SUGCT: variants seen among roughly 807,000 people sequenced by gnomAD.
The protein encoded by SUGCT is succinyl-CoA:glutarate-CoA transferase.
A neutral mutation model predicts 55.0 loss-of-function variants in SUGCT; 41 were observed. That is an observed-to-expected ratio of 0.74 (90% CI 0.58 to 0.97). The LOEUF is 0.97. Ranked by LOEUF, SUGCT falls within the 50% of genes least tolerant of loss-of-function variation. The pLI is 0.00. For missense variants in SUGCT, 568 were observed against 547.8 expected (o/e 1.04, Z -0.37); for synonymous variants, 187 against 200.4 (o/e 0.93, Z 0.56).
At chr7:40,168,346 C>A (rs899862102) in intron 1 of SUGCT, among the ~76,000 whole-genome samples, 2 of 152,142 alleles carry the variant, frequency 1.3e-5, no homozygotes, top group South Asian at 2.1e-4. Flanking sequence ...AGGAGGGGTG[C>A]CTTCGGTGTC....
intron 12 of SUGCT, among the ~76,000 whole-genome samples, chr7:40,705,645 T>G (rs1584306826): frequency 6.6e-6 from 1 of 152,176 alleles, no homozygotes; most frequent in South Asian, 2.1e-4. Context: ...ATCCTAAAAT[T>G]TGGGTCATGC....
At chr7:40,240,352 G>A (rs1321111347) in intron 7 of SUGCT, among the ~76,000 whole-genome samples, 1 of 152,050 alleles carries the variant, frequency 6.6e-6, no homozygotes, top group Non-Finnish European at 1.5e-5. Flanking sequence ...ATGTGGTGTT[G>A]CATTCCTGTA....
At chr7:40,402,033 C>T (rs185338882) in intron 9 of SUGCT, among the ~76,000 whole-genome samples, 7 of 152,190 alleles carry the variant, frequency 4.6e-5, no homozygotes, top group East Asian at 1.9e-4. Flanking sequence ...TTATTAAACA[C>T]GCATAACAAT....
chr7:40,986,487 A>C, the SUGCT span, among the ~76,000 whole-genome samples: 1 of 152,222 alleles, frequency 6.6e-6, no homozygotes, highest in South Asian at 2.1e-4. Flanking sequence ...GCCACTGACT[A>C]TAACCCTTAA....
At position 40,590,011 on chromosome 7, in the gene SUGCT, TC is replaced by T. The variant is rs145909965; in HGVS notation, c.1089+93626del. On this transcript the variant is annotated intron_variant, in intron 12 of 13. Coordinates refer to ENST00000335693, the MANE Select transcript of SUGCT (RefSeq NM_001193313.2). The stretch of plus-strand genomic sequence containing the variant: ...CTGGTGCCAATGTTTGAACATATGC[TC>T]ACTTTGTGTCTCTGTGTCACGTTTT... 2.2e-3 allele frequency among the ~76,000 whole-genome samples: 336 copies of T among 152,318 alleles called. 10 individuals carry two copies. In the East Asian group the frequency reaches 0.059, roughly 27 times the overall value.
intron 6 of SUGCT, among the ~76,000 whole-genome samples, chr7:40,210,585 G>A (rs114601029): frequency 0.017 from 2,655 of 152,080 alleles, 73 homozygotes; most frequent in African/African-American, 0.062. Flanking sequence ...TTCTCAGCAA[G>A]GCAAGTTATT....
intron 13 of SUGCT, among the ~76,000 whole-genome samples, chr7:40,753,270 T>C (rs890076348): frequency 1.3e-5 from 2 of 152,216 alleles, no homozygotes; most frequent in African/African-American, 2.4e-5. Context: ...GATGTTCCCA[T>C]TGGAGAACTC....
Position 40,202,956 on chromosome 7 carries a change from C to T in SUGCT, c.484+7896C>T, listed in dbSNP as rs138427217. Among the ~76,000 whole-genome samples, 97 of 152,236 alleles carry T rather than the reference C, an allele frequency of 6.4e-4. 2 individuals are homozygous for T. Among genetic ancestry groups the T allele is most frequent in the African/African-American group, 2.0e-3 (85 of 41,538 alleles). On this transcript the variant is annotated intron_variant, in intron 6 of 13. Transcript: ENST00000335693. ...AACTCTTAGCTCTGTTGCTTTTAGC[C>T]GATGTAGCCATAACCCCTTGCCTTT...
At chr7:40,311,391 G>A (rs764273401) in intron 8 of SUGCT, among the ~76,000 whole-genome samples, 2 of 152,102 alleles carry the variant, frequency 1.3e-5, no homozygotes, top group African/African-American at 4.8e-5. Flanking sequence ...GATCCCTATG[G>A]GTTTTAAATA....
intron 9 of SUGCT, among the ~76,000 whole-genome samples, chr7:40,398,646 T>C (rs1169738549): frequency 6.6e-6 from 1 of 152,082 alleles, no homozygotes; most frequent in African/African-American, 2.4e-5. Context: ...AGCTGAAGAC[T>C]TGGCAAAGAA....
chr7:40,371,365 G>A (rs1382348988), intron 9 of SUGCT, among the ~76,000 whole-genome samples: 1 of 152,090 alleles, frequency 6.6e-6, no homozygotes, highest in African/African-American at 2.4e-5. Context: ...CCTATAGCTG[G>A]TGAACCCATG....
At chr7:40,291,877 G>A (rs1437449298) in intron 8 of SUGCT, among the ~76,000 whole-genome samples, 2 of 152,082 alleles carry the variant, frequency 1.3e-5, no homozygotes, top group African/African-American at 4.8e-5. Flanking sequence ...TCTAACATAT[G>A]CACTCAGCCT....
rs1174741202 is a variant in SUGCT at position 40,811,605 on chromosome 7, T to C, written c.1154-48711T>C. On this transcript the variant is annotated intron_variant, in intron 13 of 13. Coordinates refer to ENST00000335693, the MANE Select transcript of SUGCT (RefSeq NM_001193313.2). ...GGTGTATAGAAATGCTGCTGATTTT[T>C]GTACATGGATTTTGTGTCCTGAAAC... 2.6e-5 allele frequency among the ~76,000 whole-genome samples: 4 copies of C among 152,300 alleles called. No homozygotes were observed. In the East Asian group the frequency reaches 7.7e-4, roughly 29 times the overall value.
At chr7:40,375,744 T>G (rs938336289) in intron 9 of SUGCT, among the ~76,000 whole-genome samples, 4 of 152,100 alleles carry the variant, frequency 2.6e-5, no homozygotes, top group Non-Finnish European at 4.4e-5. Context: ...TATAGACATA[T>G]AAATAGACAT....
intron 10 of SUGCT, among the ~76,000 whole-genome samples, chr7:40,453,542 A>G (rs1250973680): frequency 1.3e-5 from 2 of 152,248 alleles, no homozygotes; most frequent in Non-Finnish European, 2.9e-5. Context: ...CCAGGTTGTC[A>G]TATGACCATT....
intron 11 of SUGCT, among the ~76,000 whole-genome samples, chr7:40,477,719 G>A (rs951228713): frequency 2.6e-5 from 4 of 152,072 alleles, no homozygotes; most frequent in Non-Finnish European, 5.9e-5. Flanking sequence ...ATTTTAATAA[G>A]TTTAAATTAA....
the SUGCT span, among the ~76,000 whole-genome samples, chr7:40,950,663 T>C: frequency 6.6e-6 from 1 of 152,206 alleles, no homozygotes; most frequent in Non-Finnish European, 1.5e-5. Flanking sequence ...GTTTTTAACA[T>C]GAAGGGCTGT....
chr7:40,155,855 A>T (rs865847487), intron 1 of SUGCT, among the ~76,000 whole-genome samples: 5 of 132,502 alleles, frequency 3.8e-5, no homozygotes, highest in South Asian at 2.4e-4. Context: ...GATACCTAAG[A>T]TTTTTTTTTT....
At chr7:40,706,237 T>G (rs1392243115) in intron 12 of SUGCT, among the ~76,000 whole-genome samples, 1 of 152,226 alleles carries the variant, frequency 6.6e-6, no homozygotes, top group East Asian at 1.9e-4. Context: ...CTGGGCGCAG[T>G]GGCTCATGCC....
Sources: allele counts gnomAD v4.1 joint callset (sites outside exome capture counted in the v4.1 genomes callset), GRCh38; gene constraint gnomAD v4.1.1; transcripts MANE v1.5; gene names NCBI Gene and HGNC (gene_info 2026-07-23, HGNC 2026-07-21).